The following TNKS2 variants were observed in gnomAD, a reference collection of about 807,000 sequenced individuals.
TNKS2 encodes the protein tankyrase 2.
In TNKS2, 72 loss-of-function variants were observed where a neutral mutation model predicts 137.6. The observed-to-expected ratio is 0.52, with a 90% CI of 0.43 to 0.64. The LOEUF is 0.64. Ranked by LOEUF, TNKS2 falls within the 30% of genes least tolerant of loss-of-function variation. The pLI, the probability that TNKS2 is intolerant of heterozygous loss-of-function variation, is 0.00. For missense variants in TNKS2, 1,049 were observed against 1,410.2 expected, an observed-to-expected ratio of 0.74 and a Z score of 4.10; for synonymous variants, 516 against 512.1, an observed-to-expected ratio of 1.01 and a Z score of -0.10.
intron 1 of TNKS2, among the ~76,000 whole-genome samples, chr10:91,808,387 G>A (rs1844397626): frequency 6.6e-6 from 1 of 152,136 alleles, no homozygotes; most frequent in Non-Finnish European, 1.5e-5. Context: ...AATGAAATTA[G>A]AGAAGAAGTT....
At chr10:91,842,642 G>T (rs769724224) in intron 16 of TNKS2, among the ~76,000 whole-genome samples, 6 of 152,038 alleles carry the variant, frequency 3.9e-5, no homozygotes, top group Non-Finnish European at 7.4e-5. Context: ...AGGAGTGGTG[G>T]TGTGCACCTG....
intron 24 of TNKS2, among the ~76,000 whole-genome samples, chr10:91,857,886 G>T (rs144799215): frequency 1.3e-5 from 2 of 152,212 alleles, no homozygotes; most frequent in Admixed American, 1.3e-4. Flanking sequence ...TCAGAAGAAG[G>T]TGTACATCCT....
At chr10:91,859,725 A>T in intron 25 of TNKS2, 77 bp downstream of exon 25, 1 of 1,254,042 alleles carries the variant, frequency 8.0e-7, no homozygotes, top group South Asian at 1.4e-5. Context: ...GCAAAGCATT[A>T]TGTTGGACAG....
intron 2 of TNKS2, among the ~76,000 whole-genome samples, chr10:91,816,034 C>T (rs1844683019): frequency 1.3e-5 from 2 of 149,276 alleles, no homozygotes; most frequent in Admixed American, 6.8e-5. Context: ...CTGCAAGCTC[C>T]GCCTCCCGGG....
intron 21 of TNKS2, among the ~76,000 whole-genome samples, chr10:91,854,372 A>G (rs1200381883): frequency 6.6e-6 from 1 of 152,198 alleles, no homozygotes; most frequent in African/African-American, 2.4e-5. Flanking sequence ...TCAAAAAGTA[A>G]TAGTCTAAAT....
At chr10:91,846,489 A>G (rs1401653103) in intron 18 of TNKS2, among the ~76,000 whole-genome samples, 2 of 152,206 alleles carry the variant, frequency 1.3e-5, no homozygotes, top group African/African-American at 4.8e-5. Flanking sequence ...TCTCCAGAGC[A>G]TGGAGCAGGT....
chr10:91,839,363 G>A (rs947342082), intron 13 of TNKS2, among the ~76,000 whole-genome samples: 3 of 151,134 alleles, frequency 2.0e-5, no homozygotes, highest in African/African-American at 7.3e-5. Context: ...CTTTTTTGGA[G>A]ATGGAGTCTG....
At chr10:91,832,472 G>GTTT (rs11392641) in intron 11 of TNKS2, among the ~76,000 whole-genome samples, 1 of 148,418 alleles carries the variant, frequency 6.7e-6, no homozygotes, top group Non-Finnish European at 1.5e-5. Context: ...TACCCAAATA[G>GTTT]TTTTTTTTTT....
At chr10:91,808,472 A>C (rs560488743) in intron 1 of TNKS2, among the ~76,000 whole-genome samples, 7 of 152,280 alleles carry the variant, frequency 4.6e-5, no homozygotes, top group African/African-American at 1.7e-4. Flanking sequence ...ATCAGTGGGA[A>C]GCCAAGGAAT....
At chr10:91,825,930 A>G (rs1402779171) in intron 7 of TNKS2, among the ~76,000 whole-genome samples, 1 of 152,272 alleles carries the variant, frequency 6.6e-6, no homozygotes, top group East Asian at 1.9e-4. Flanking sequence ...ATTTTCTAAT[A>G]AAGTTAAACA....
In TNKS2 at chr10:91,798,606, G is replaced by A. The variant is rs1844046302; in HGVS notation, c.-85G>A. 1 of 1,200,622 alleles carries A rather than the reference G, an allele frequency of 8.3e-7. No homozygotes were observed. The highest frequency in any genetic ancestry group is 1.0e-6 in the Non-Finnish European group (1 of 967,534). 74.4% of individuals were successfully genotyped at this position (1,200,622 alleles called of 1,614,324 possible). A position where few individuals can be genotyped will look rare whatever the true frequency, so the allele number is the denominator to read the frequency against. On this transcript the variant is annotated 5_prime_UTR_variant, in exon 1 of 27. Coordinates refer to ENST00000371627, the MANE Select transcript of TNKS2 (RefSeq NM_025235.4). Reference sequence around the variant, plus strand: ...CCCGGGCCCTGAGCGCGTCTTCTCCGGGGGGCCTCGCCCTCCTGCTCGCGG... The same window carrying A: ...CCCGGGCCCTGAGCGCGTCTTCTCCAGGGGGCCTCGCCCTCCTGCTCGCGG...
At chr10:91,831,039 T>C in intron 10 of TNKS2, 25 bp downstream of exon 10, 1 of 1,608,210 alleles carries the variant, frequency 6.2e-7, no homozygotes. Flanking sequence ...AATGATTAAA[T>C]ATCATTGAGA....
intron 1 of TNKS2, chr10:91,807,140 A>C (rs1239429330): frequency 2.1e-5 from 32 of 1,508,170 alleles, no homozygotes; most frequent in Non-Finnish European, 2.7e-5. Flanking sequence ...AAAGATATTT[A>C]CTTCCTAAGT....
chr10:91,840,232 C>T (rs565399014), intron 13 of TNKS2, among the ~76,000 whole-genome samples: 2 of 151,952 alleles, frequency 1.3e-5, no homozygotes, highest in Non-Finnish European at 2.9e-5. Context: ...CCCTGCTGCT[C>T]GGGAGGCTGA....
chr10:91,798,942 G>C, intron 1 of TNKS2, 53 bp downstream of exon 1: 2 of 1,313,180 alleles, frequency 1.5e-6, no homozygotes, highest in Non-Finnish European at 2.0e-6. Flanking sequence ...CTGCGCAGCC[G>C]GGGCCCACAG....
chr10:91,863,108 T>TG lies in TNKS2; in HGVS notation c.*111dup. The TG allele has an allele frequency of 1.4e-6, 1 of 690,036 alleles. No homozygotes were observed. The highest frequency in any genetic ancestry group is 2.5e-6 in the Non-Finnish European group (1 of 405,162). 42.7% of individuals were successfully genotyped at this position (690,036 alleles called of 1,614,324 possible). On this transcript the variant is annotated 3_prime_UTR_variant, in exon 27 of 27. Transcript: ENST00000371627. Reference sequence around the variant, plus strand: ...AAAAATCATCTTGCCCACAGGCCTGTGGCAAAAGGATAAAAATGTGAACGA... The same window carrying TG: ...AAAAATCATCTTGCCCACAGGCCTGTGGGCAAAAGGATAAAAATGTGAACGA...
chr10:91,811,741 T>A (rs1213850533), intron 1 of TNKS2, among the ~76,000 whole-genome samples: 1 of 152,032 alleles, frequency 6.6e-6, no homozygotes, highest in Non-Finnish European at 1.5e-5. Flanking sequence ...TTGGAAGAAC[T>A]ACAGTCAGAC....
intron 20 of TNKS2, among the ~76,000 whole-genome samples, 191 bp from the exon 21 acceptor site, chr10:91,851,025 A>C (rs942633956): frequency 6.6e-6 from 1 of 152,230 alleles, no homozygotes; most frequent in Non-Finnish European, 1.5e-5. Flanking sequence ...GAATGTGGTT[A>C]ATTTGAAAGT....
In TNKS2 at chr10:91,858,095, A is replaced by G. The variant is rs546669066; in HGVS notation, c.3094+565A>G. Among the ~76,000 whole-genome samples the G allele has an allele frequency of 5.9e-5, 9 of 152,330 alleles. No homozygotes were observed. The South Asian group carries it at 1.7e-3, about 28-fold the overall frequency. ...GTTGATTAGTCTTTCAAATTTTAGC[A>G]AAGTTAAACATATTAATGTAGTATT... is the stretch of plus-strand genomic sequence containing the variant. On this transcript the variant is annotated intron_variant, in intron 24 of 26. Transcript: ENST00000371627.
Sources: allele counts gnomAD v4.1 joint callset (sites outside exome capture counted in the v4.1 genomes callset), GRCh38; gene constraint gnomAD v4.1.1; transcripts MANE v1.5; gene names NCBI Gene and HGNC (gene_info 2026-07-23, HGNC 2026-07-21).